Variants in SKAP2 observed in about 807,000 individuals in gnomAD.
SKAP2 encodes the protein src kinase associated phosphoprotein 2.
A neutral mutation model predicts 54.9 loss-of-function variants in SKAP2; 28 were observed. That is an observed-to-expected ratio of 0.51 (90% CI 0.38 to 0.70). SKAP2 has a LOEUF of 0.70. Ranked by LOEUF, SKAP2 falls within the 30% of genes least tolerant of loss-of-function variation. The pLI, the probability that SKAP2 is intolerant of heterozygous loss-of-function variation, is 0.00. For missense variants in SKAP2, 356 were observed against 424.1 expected, an observed-to-expected ratio of 0.84 and a Z score of 1.41; for synonymous variants, 137 against 134.3, an observed-to-expected ratio of 1.02 and a Z score of -0.14.
chr7:26,688,208 A>G (rs1786691783), intron 10 of SKAP2, among the ~76,000 whole-genome samples: 2 of 152,168 alleles, frequency 1.3e-5, no homozygotes, highest in South Asian at 4.1e-4. Context: ...CTTTGGTGTT[A>G]AAAGGTTTAA....
intron 4 of SKAP2, among the ~76,000 whole-genome samples, chr7:26,839,848 T>C (rs1325274339): frequency 2.0e-5 from 3 of 152,032 alleles, no homozygotes; most frequent in Non-Finnish European, 4.4e-5. Context: ...TCTAAGCCTG[T>C]TTTAGACACT....
At chr7:26,711,139 T>C (rs538946566) in intron 9 of SKAP2, among the ~76,000 whole-genome samples, 2 of 152,304 alleles carry the variant, frequency 1.3e-5, no homozygotes, top group South Asian at 4.1e-4. Context: ...AATAAATATA[T>C]AGAATCAACA....
At chr7:26,791,414 G>A (rs1206048237) in intron 4 of SKAP2, among the ~76,000 whole-genome samples, 2 of 151,944 alleles carry the variant, frequency 1.3e-5, no homozygotes, top group Non-Finnish European at 2.9e-5. Context: ...GGGCTCAAGC[G>A]ATCCTCCTGC....
chr7:26,745,554 C>T (rs1486369595), intron 4 of SKAP2, among the ~76,000 whole-genome samples: 1 of 152,196 alleles, frequency 6.6e-6, no homozygotes, highest in African/African-American at 2.4e-5. Flanking sequence ...ACCAAAAATG[C>T]AGCCCAGGCT....
chr7:26,802,264 T>G (rs1236807625), intron 4 of SKAP2, among the ~76,000 whole-genome samples: 18 of 70,978 alleles, frequency 2.5e-4, no homozygotes, highest in African/African-American at 6.3e-4. Context: ...AAGACAGTTT[T>G]TTTTTTTTTT....
chr7:26,837,794 C>CT (rs1562630482), intron 4 of SKAP2, among the ~76,000 whole-genome samples: 1 of 139,314 alleles, frequency 7.2e-6, no homozygotes, highest in Non-Finnish European at 1.6e-5. Context: ...AAATCACTTC[C>CT]TTTTCAGTAC....
At chr7:26,792,988 G>A (rs1194177344) in intron 4 of SKAP2, among the ~76,000 whole-genome samples, 3 of 152,088 alleles carry the variant, frequency 2.0e-5, no homozygotes, top group Non-Finnish European at 4.4e-5. Flanking sequence ...AAGCTCTCAG[G>A]AAGTTTTCTT....
At chr7:26,670,500 G>A (rs1191913052) in intron 11 of SKAP2, among the ~76,000 whole-genome samples, 7 of 152,028 alleles carry the variant, frequency 4.6e-5, no homozygotes, top group African/African-American at 1.7e-4. Flanking sequence ...TCTCTCCACA[G>A]AGCCTGGGGA....
At chr7:26,858,635 A>C (rs747868292) in intron 1 of SKAP2, among the ~76,000 whole-genome samples, 3 of 152,076 alleles carry the variant, frequency 2.0e-5, no homozygotes, top group Non-Finnish European at 2.9e-5. Context: ...GACCTCCTAA[A>C]AAACAGCCAC....
chr7:26,733,640 A>G (rs1355660131), intron 6 of SKAP2, among the ~76,000 whole-genome samples: 2 of 152,154 alleles, frequency 1.3e-5, no homozygotes, highest in Non-Finnish European at 2.9e-5. Flanking sequence ...GAAGTTGTGG[A>G]GAAGGGGAGA....
chr7:26,847,155 T>C (rs1421411406), intron 3 of SKAP2, among the ~76,000 whole-genome samples: 1 of 152,214 alleles, frequency 6.6e-6, no homozygotes, highest in Non-Finnish European at 1.5e-5. Context: ...GTACTGCTAC[T>C]GGCTTCACTT....
At chr7:26,665,991 G>GCA (rs1204965699), downstream of SKAP2, among the ~76,000 whole-genome samples, 129 of 141,984 alleles carry the variant, frequency 9.1e-4, 1 homozygote, top group African/African-American at 3.6e-3. Context: ...TATATACAGT[G>GCA]TACACACACA....
At chr7:26,786,846 T>A (rs950419241) in intron 4 of SKAP2, among the ~76,000 whole-genome samples, 1 of 152,324 alleles carries the variant, frequency 6.6e-6, no homozygotes, top group Admixed American at 6.5e-5. Context: ...CAGTTTTTTT[T>A]AAGGTTAACT....
chr7:26,711,214 A>G (rs2127950056), intron 9 of SKAP2, among the ~76,000 whole-genome samples: 1 of 152,324 alleles, frequency 6.6e-6, no homozygotes, highest in Admixed American at 6.5e-5. Context: ...GATAGAGGAA[A>G]TAATGGCCAA....
intron 4 of SKAP2, among the ~76,000 whole-genome samples, chr7:26,825,309 G>GTA (rs1784466511): frequency 6.6e-6 from 1 of 151,038 alleles, no homozygotes; most frequent in Admixed American, 6.6e-5. Context: ...TTTAACCTTG[G>GTA]TATAATATAT....
intron 9 of SKAP2, among the ~76,000 whole-genome samples, chr7:26,693,134 C>G (rs1786821918): frequency 6.6e-6 from 1 of 152,074 alleles, no homozygotes; most frequent in Admixed American, 6.5e-5. Context: ...GAGTTCGAGA[C>G]AAGCCTGGCC....
intron 4 of SKAP2, among the ~76,000 whole-genome samples, chr7:26,781,819 G>T (rs1382996110): frequency 3.3e-5 from 5 of 152,052 alleles, no homozygotes; most frequent in Non-Finnish European, 7.4e-5. Flanking sequence ...CTCCTGGACT[G>T]AAATAGCCTC....
chr7:26,849,703 A>G (rs1381938195), intron 3 of SKAP2, among the ~76,000 whole-genome samples: 3 of 149,016 alleles, frequency 2.0e-5, no homozygotes, highest in African/African-American at 7.4e-5. Flanking sequence ...AAAAAAAAAA[A>G]GCTGTAGACA....
chr7:26,691,997 G>T (rs1009068213), intron 9 of SKAP2, among the ~76,000 whole-genome samples: 3 of 152,090 alleles, frequency 2.0e-5, no homozygotes, highest in Non-Finnish European at 4.4e-5. Context: ...GAAAGGGCAG[G>T]ACTGAAGCTA....
Sources: allele counts gnomAD v4.1 joint callset (sites outside exome capture counted in the v4.1 genomes callset), GRCh38; gene constraint gnomAD v4.1.1; transcripts MANE v1.5; gene names NCBI Gene and HGNC (gene_info 2026-07-23, HGNC 2026-07-21).